ANKRD30B: variants seen among roughly 807,000 people sequenced by gnomAD.
The protein encoded by ANKRD30B is ankyrin repeat domain 30B, also known as ankyrin repeat domain-containing protein 30B.
In ANKRD30B, 144 loss-of-function variants were observed where a neutral mutation model predicts 202.2. The observed-to-expected ratio is 0.71, with a 90% CI of 0.62 to 0.82. The LOEUF is 0.82. Among genes scored for constraint, ANKRD30B ranks in the 40% least tolerant of loss-of-function variants. The pLI is 0.00. For missense variants in ANKRD30B, 1,487 were observed against 1,669.1 expected, an observed-to-expected ratio of 0.89 and a Z score of 1.90; for synonymous variants, 508 against 561.3, an observed-to-expected ratio of 0.91 and a Z score of 1.34.
the ANKRD30B span, among the ~76,000 whole-genome samples, chr18:14,860,010 G>T: frequency 7.0e-6 from 1 of 142,382 alleles, no homozygotes; most frequent in African/African-American, 2.6e-5. Flanking sequence ...CAGGGTGGGA[G>T]CTGGGCAGAG....
chr18:14,820,114 CTT>C (rs1337205433), intron 30 of ANKRD30B, among the ~76,000 whole-genome samples: 2 of 152,166 alleles, frequency 1.3e-5, no homozygotes, highest in Non-Finnish European at 2.9e-5. Flanking sequence ...ATTTTATTCT[CTT>C]TGAAGCAATT....
At chr18:14,793,300 C>A (rs538375033) in intron 16 of ANKRD30B, among the ~76,000 whole-genome samples, 8 of 152,184 alleles carry the variant, frequency 5.3e-5, no homozygotes, top group Admixed American at 1.3e-4. Context: ...TGTGTACTTT[C>A]TCAATGACAG....
the ANKRD30B span, among the ~76,000 whole-genome samples, chr18:14,919,189 G>A: frequency 2.2e-4 from 34 of 152,240 alleles, no homozygotes; most frequent in Admixed American, 5.2e-4. Flanking sequence ...GCAAGGACTT[G>A]CTAGTGTTCT....
At chr18:14,867,562 G>T in the ANKRD30B span, among the ~76,000 whole-genome samples, 2 of 152,190 alleles carry the variant, frequency 1.3e-5, no homozygotes, top group African/African-American at 2.4e-5. Context: ...TTGCCCTCTT[G>T]CTCTGTGTTG....
intron 12 of ANKRD30B, 45 bp downstream of exon 12, chr18:14,782,659 G>A (rs749415351): frequency 1.0e-5 from 13 of 1,297,422 alleles, no homozygotes; most frequent in Non-Finnish European, 1.4e-5. Context: ...CCATATGTTT[G>A]TCTAAACGCA....
At chr18:14,799,592 A>G (rs1005918352) in intron 22 of ANKRD30B, among the ~76,000 whole-genome samples, 10 of 152,194 alleles carry the variant, frequency 6.6e-5, no homozygotes, top group Admixed American at 6.5e-4. Context: ...GTGAATTTTG[A>G]AACTGTGAAA....
At chr18:14,869,559 T>TA in the ANKRD30B span, among the ~76,000 whole-genome samples, 1 of 152,256 alleles carries the variant, frequency 6.6e-6, no homozygotes, top group Non-Finnish European at 1.5e-5. Flanking sequence ...AAATTATTTT[T>TA]AATTATGCTA....
In ANKRD30B at chr18:14,769,686, T is replaced by C. The variant is rs1433585652; in HGVS notation, c.1256+313T>C. 3.9e-5 allele frequency among the ~76,000 whole-genome samples: 6 copies of C among 152,210 alleles called. No individual in the cohort carries two copies. The East Asian group carries it at 7.7e-4, about 20-fold the overall frequency. On this transcript the variant is annotated intron_variant, in intron 8 of 43. Transcript: ENST00000690538. Reference sequence around the variant, plus strand: ...CCCTTCTCTTCTCCCTCAGCATAGATTGATGGAGACCTCTGCATCACTGAG... The same window carrying C: ...CCCTTCTCTTCTCCCTCAGCATAGACTGATGGAGACCTCTGCATCACTGAG...
intron 1 of ANKRD30B, among the ~76,000 whole-genome samples, chr18:14,750,329 G>T (rs534813548): frequency 6.6e-5 from 10 of 152,160 alleles, no homozygotes; most frequent in African/African-American, 2.4e-4. Context: ...ATTTAAAACT[G>T]GGCAAAGTCC....
At chr18:14,749,483 C>T (rs995951384) in intron 1 of ANKRD30B, among the ~76,000 whole-genome samples, 2 of 151,844 alleles carry the variant, frequency 1.3e-5, no homozygotes, top group African/African-American at 4.8e-5. Flanking sequence ...ACCAGCCTGG[C>T]CAATATGGTG....
chr18:14,898,802 A>G, the ANKRD30B span, among the ~76,000 whole-genome samples: 1 of 152,180 alleles, frequency 6.6e-6, no homozygotes, highest in Non-Finnish European at 1.5e-5. Context: ...CTCTGAAGCT[A>G]TGCAGAATAA....
chr18:14,857,473 T>C (rs1200520435), downstream of ANKRD30B, among the ~76,000 whole-genome samples: 2 of 2,554 alleles, frequency 7.8e-4, 1 homozygote, highest in African/African-American at 8.6e-4. Flanking sequence ...CCTCACCTCC[T>C]AGATGGGGTG....
chr18:14,833,650 T>C (rs1358949531), intron 34 of ANKRD30B, among the ~76,000 whole-genome samples: 2 of 152,204 alleles, frequency 1.3e-5, no homozygotes, highest in African/African-American at 4.8e-5. Flanking sequence ...TGTCTTATTA[T>C]GTAATATTAA....
chr18:14,752,215 C>A (rs1252350497), intron 1 of ANKRD30B, among the ~76,000 whole-genome samples: 1 of 152,164 alleles, frequency 6.6e-6, no homozygotes, highest in Non-Finnish European at 1.5e-5. Context: ...AATGAGGCAT[C>A]ACAGTGATGT....
the ANKRD30B span, among the ~76,000 whole-genome samples, chr18:14,939,621 C>T: frequency 3.9e-5 from 6 of 152,168 alleles, no homozygotes; most frequent in Non-Finnish European, 7.3e-5. Flanking sequence ...GGATCAATGG[C>T]CCACGGGACA....
At position 14,791,291 on chromosome 18, in the gene ANKRD30B, T is replaced by C. The variant is rs576766755; in HGVS notation, c.1735-110T>C. 5.8e-5 allele frequency: 51 copies of C among 884,448 alleles called. No homozygotes were observed. In the African/African-American group the frequency reaches 8.1e-4, roughly 14 times the overall value. 54.8% of individuals were successfully genotyped at this position (884,448 alleles called of 1,614,324 possible). On this transcript the variant is annotated intron_variant, in intron 15 of 43. Transcript: ENST00000690538. ...GTGTGTACTCTTAAGTCGAATTGTT[T>C]GCAAACTAGGAAATTGTGTTTTTAA...
chr18:14,833,136 C>G (rs1488208520), intron 34 of ANKRD30B, among the ~76,000 whole-genome samples: 3 of 151,812 alleles, frequency 2.0e-5, no homozygotes, highest in Non-Finnish European at 4.4e-5. Context: ...AGGGTGTCAC[C>G]ATGTTGCCCA....
chr18:14,884,253 G>T, the ANKRD30B span, among the ~76,000 whole-genome samples: 1 of 146,404 alleles, frequency 6.8e-6, no homozygotes, highest in African/African-American at 2.5e-5. Context: ...AGGTCCATGT[G>T]GTAAGGAAGT....
At chr18:14,785,918 G>A (rs548322712) in intron 14 of ANKRD30B, among the ~76,000 whole-genome samples, 1 of 152,042 alleles carries the variant, frequency 6.6e-6, no homozygotes, top group East Asian at 1.9e-4. Flanking sequence ...GGCGCCTGTA[G>A]TCCCAGCTAC....
Sources: gnomAD v4.1 joint callset for allele counts (sites outside exome capture counted in the v4.1 genomes callset) on GRCh38, gnomAD v4.1.1 for gene constraint, MANE v1.5 for transcripts, NCBI Gene and HGNC (gene_info 2026-07-23, HGNC 2026-07-21) for gene names.